Variants in NAV2 observed in about 807,000 individuals in gnomAD.
NAV2 encodes the protein helicase, APC down-regulated 1.
Under a neutral mutation model 223.2 loss-of-function variants are expected in NAV2, and 54 were observed. The ratio of observed to expected loss-of-function variants is 0.24; its 90% confidence interval spans 0.19 to 0.30. The LOEUF is 0.30. NAV2 is among the 10% of genes least tolerant of loss of function. NAV2 has a pLI of 1.00. For missense variants in NAV2, 2,806 were observed against 3,147.5 expected (o/e 0.89, Z 2.60); for synonymous variants, 1,279 against 1,239.3 (o/e 1.03, Z -0.67).
chr11:19,878,157 A>G (rs1445619721), intron 4 of NAV2, among the ~76,000 whole-genome samples: 5 of 152,198 alleles, frequency 3.3e-5, no homozygotes, highest in Admixed American at 2.6e-4. Context: ...CTGGCTATCA[A>G]CTGTGGTCCT....
intron 2 of NAV2, among the ~76,000 whole-genome samples, chr11:19,841,039 A>C (rs577216030): frequency 6.6e-6 from 1 of 152,308 alleles, no homozygotes; most frequent in East Asian, 1.9e-4. Context: ...TGTGCTTTTC[A>C]TGGCACCTCT....
chr11:19,459,189 T>C (rs1358394124), intron 1 of NAV2, among the ~76,000 whole-genome samples: 1 of 152,236 alleles, frequency 6.6e-6, no homozygotes, highest in Non-Finnish European at 1.5e-5. Flanking sequence ...TGCATTAGCT[T>C]GTGTCATTGA....
intron 1 of NAV2, among the ~76,000 whole-genome samples, chr11:19,352,464 T>A (rs1020526359): frequency 6.6e-6 from 1 of 151,290 alleles, no homozygotes; most frequent in African/African-American, 2.4e-5. Context: ...TGTCTGCATT[T>A]CCCATCTGTT....
chr11:19,596,770 G>A (rs534474712), intron 1 of NAV2, among the ~76,000 whole-genome samples: 16 of 152,322 alleles, frequency 1.1e-4, no homozygotes, highest in Middle Eastern at 3.4e-3. Context: ...CACTACTTCC[G>A]AGAGCATCTG....
intron 1 of NAV2, among the ~76,000 whole-genome samples, chr11:19,786,885 G>T (rs1421676907): frequency 6.6e-6 from 1 of 152,218 alleles, no homozygotes; most frequent in East Asian, 1.9e-4. Flanking sequence ...AGCTACTGGG[G>T]AGGTGGACGG....
intron 24 of NAV2, among the ~76,000 whole-genome samples, chr11:20,079,731 G>A (rs2059971722): frequency 6.6e-6 from 1 of 152,142 alleles, no homozygotes; most frequent in South Asian, 2.1e-4. Flanking sequence ...GAGGGAGGGG[G>A]CTAGCAATGA....
intron 10 of NAV2, among the ~76,000 whole-genome samples, chr11:19,965,199 A>G (rs2048670737): frequency 6.6e-6 from 1 of 152,098 alleles, no homozygotes; most frequent in African/African-American, 2.4e-5. Flanking sequence ...GGGCGGGGCC[A>G]CTGGTAACTT....
At chr11:20,016,883 G>A (rs140202608) in intron 11 of NAV2, among the ~76,000 whole-genome samples, 1,707 of 151,612 alleles carry the variant, frequency 0.011, 38 homozygotes, top group African/African-American at 0.039. Flanking sequence ...GCGCACACCT[G>A]TAGTGCTAGC....
chr11:19,583,972 C>A (rs1218983471), intron 1 of NAV2, among the ~76,000 whole-genome samples: 2 of 152,128 alleles, frequency 1.3e-5, no homozygotes, highest in Admixed American at 1.3e-4. Flanking sequence ...CTCCTTGTAC[C>A]TCTGGTAGAA....
Position 19,443,996 on chromosome 11 carries a change from G to A in NAV2, c.75+92969G>A, listed in dbSNP as rs566593841. ...CCAAGCTGGAGTGGAGTGCAGTGGC[G>A]CAATCTCGGCTCACTGCAACCTCTG... On this transcript the variant is annotated intron_variant, in intron 1 of 37. Transcript: ENST00000360655. Among the ~76,000 whole-genome samples, 7 of 152,154 alleles carry A rather than the reference G, an allele frequency of 4.6e-5. No individual in the cohort carries two copies. The South Asian group carries it at 1.2e-3, about 27-fold the overall frequency.
intron 1 of NAV2, among the ~76,000 whole-genome samples, chr11:19,351,606 C>A (rs977504545): frequency 6.6e-6 from 1 of 152,212 alleles, no homozygotes; most frequent in Non-Finnish European, 1.5e-5. Context: ...TTCAACTTGT[C>A]TTTAAAAGGC....
At chr11:19,535,798 C>A (rs914861139) in intron 1 of NAV2, among the ~76,000 whole-genome samples, 4 of 152,142 alleles carry the variant, frequency 2.6e-5, no homozygotes, top group East Asian at 1.9e-4. Flanking sequence ...GCGTGGGGAT[C>A]CATCTTCTTG....
chr11:20,032,441 C>T (rs1330476378), intron 11 of NAV2, among the ~76,000 whole-genome samples: 1 of 152,204 alleles, frequency 6.6e-6, no homozygotes, highest in Admixed American at 6.5e-5. Context: ...AGAAAGGTTA[C>T]AATTTCAAAG....
At chr11:19,821,564 C>T (rs1399822883) in intron 1 of NAV2, among the ~76,000 whole-genome samples, 1 of 152,204 alleles carries the variant, frequency 6.6e-6, no homozygotes, top group Admixed American at 6.5e-5. Context: ...CAGCCTTGCA[C>T]ACCACAGACT....
intron 1 of NAV2, among the ~76,000 whole-genome samples, chr11:19,507,586 A>G (rs889650589): frequency 6.6e-6 from 1 of 152,220 alleles, no homozygotes; most frequent in Non-Finnish European, 1.5e-5. Context: ...TTATTTAGAA[A>G]ATGGGGATCA....
chr11:19,375,848 G>C (rs1031251572), intron 1 of NAV2, among the ~76,000 whole-genome samples: 1 of 151,972 alleles, frequency 6.6e-6, no homozygotes, highest in African/African-American at 2.4e-5. Context: ...GTGTGTTTAC[G>C]ATCATTTTAT....
chr11:19,897,252 G>A (rs1251262544), intron 6 of NAV2, among the ~76,000 whole-genome samples: 1 of 152,062 alleles, frequency 6.6e-6, no homozygotes, highest in East Asian at 1.9e-4. Context: ...GGGAGGAGGA[G>A]GGATAGCATT....
chr11:19,554,878 A>T (rs10833133), intron 1 of NAV2, among the ~76,000 whole-genome samples: 1 of 151,220 alleles, frequency 6.6e-6, no homozygotes, highest in Non-Finnish European at 1.5e-5. Flanking sequence ...ACCCGGGAGG[A>T]GGAGGTTGCA....
chr11:19,585,805 C>T (rs2045878098), intron 1 of NAV2, among the ~76,000 whole-genome samples: 1 of 152,112 alleles, frequency 6.6e-6, no homozygotes, highest in Admixed American at 6.5e-5. Context: ...CTCTGGCTGC[C>T]CGTAACATTT....
Sources: allele counts gnomAD v4.1 joint callset (sites outside exome capture counted in the v4.1 genomes callset), GRCh38; gene constraint gnomAD v4.1.1; transcripts MANE v1.5; gene names NCBI Gene and HGNC (gene_info 2026-07-23, HGNC 2026-07-21).